Variants in XIRP2 observed in about 807,000 individuals in gnomAD.
XIRP2 encodes the protein xin actin binding repeat containing 2, also known as xin actin-binding repeat-containing protein 2.
A neutral mutation model predicts 277.0 loss-of-function variants in XIRP2; 236 were observed. The observed-to-expected ratio is 0.85, with a 90% CI of 0.77 to 0.95. XIRP2 has a LOEUF of 0.95. XIRP2 is among the 40% of genes least tolerant of loss of function. The pLI is 0.00. For synonymous variants in XIRP2, 1,490 were observed against 1,416.5 expected (o/e 1.05, Z -1.17); for missense variants, 4,640 against 4,157.5 (o/e 1.12, Z -3.19).
At chr2:167,033,868 A>G (rs1027427761) in intron 2 of XIRP2, among the ~76,000 whole-genome samples, 1 of 152,220 alleles carries the variant, frequency 6.6e-6, no homozygotes, top group African/African-American at 2.4e-5. Context: ...TCCTACAGGA[A>G]ATGCTAAAGG....
At chr2:166,903,297 G>T (rs985782338) in intron 1 of XIRP2, among the ~76,000 whole-genome samples, 168 bp from the exon 2 acceptor site, 1 of 152,012 alleles carries the variant, frequency 6.6e-6, no homozygotes, top group Non-Finnish European at 1.5e-5. Flanking sequence ...CTTACATAAC[G>T]TTGTGGGGTG....
chr2:167,115,161 A>G (rs1344158196), intron 2 of XIRP2, among the ~76,000 whole-genome samples: 2 of 152,214 alleles, frequency 1.3e-5, no homozygotes, highest in Non-Finnish European at 2.9e-5. Context: ...ATGGTATCTC[A>G]CTGTGGTTTT....
chr2:167,028,994 G>T (rs905664908), intron 2 of XIRP2, among the ~76,000 whole-genome samples: 2 of 151,622 alleles, frequency 1.3e-5, no homozygotes, highest in African/African-American at 4.8e-5. Flanking sequence ...TTAAAGATAG[G>T]CTCTTTGAAA....
intron 3 of XIRP2, among the ~76,000 whole-genome samples, chr2:167,185,021 A>T (rs887305816): frequency 3.3e-5 from 5 of 152,114 alleles, no homozygotes; most frequent in Admixed American, 2.6e-4. Context: ...TCTTGCTTTC[A>T]TAGTGGTTTC....
intron 2 of XIRP2, among the ~76,000 whole-genome samples, chr2:166,918,250 T>C: frequency 6.6e-6 from 1 of 152,132 alleles, no homozygotes; most frequent in Non-Finnish European, 1.5e-5. Context: ...GGATGAGCTT[T>C]GGTTTGCTGG....
intron 2 of XIRP2, among the ~76,000 whole-genome samples, chr2:166,983,065 C>A (rs1686915902): frequency 6.6e-6 from 1 of 152,096 alleles, no homozygotes; most frequent in Admixed American, 6.5e-5. Context: ...GCTATTGTTT[C>A]ATATTTGTAT....
At chr2:167,209,911 C>G (rs1015148737) in intron 3 of XIRP2, among the ~76,000 whole-genome samples, 3 of 151,980 alleles carry the variant, frequency 2.0e-5, no homozygotes, top group Admixed American at 6.6e-5. Flanking sequence ...GGGTTAGGTT[C>G]GATGATCTCT....
In XIRP2 at chr2:167,218,188, G is replaced by A. The variant is rs962052333; in HGVS notation, c.746G>A (p.Cys249Tyr). The A allele has an allele frequency of 1.2e-6, 2 of 1,600,524 alleles. No individual in the cohort carries two copies. Among genetic ancestry groups the A allele is most frequent in the African/African-American group, 1.3e-5 (1 of 74,348 alleles). The change falls in exon 5 of 11, where the codon TGC becomes TAC. Residue 249 changes from cysteine to tyrosine, a missense_variant. Cys to Tyr is a radical substitution (Grantham distance 194). Transcript: ENST00000409195. The part of the protein sequence containing the change: ...SANMMEESEM[C>Y]AVPGGLAKVK... ...TAGATGATGGAAGAATCAGAAATGT[G>A]CGCAGTGCCTGGTGGTTTGGCCAAG...
At chr2:167,226,061 C>T (rs946838332) in intron 5 of XIRP2, among the ~76,000 whole-genome samples, 2 of 152,270 alleles carry the variant, frequency 1.3e-5, no homozygotes, top group East Asian at 1.9e-4. Context: ...ATTAATGGGA[C>T]GTCTCAGTTC....
chr2:167,026,044 T>C (rs1688147072), intron 2 of XIRP2, among the ~76,000 whole-genome samples: 1 of 152,142 alleles, frequency 6.6e-6, no homozygotes, highest in Non-Finnish European at 1.5e-5. Context: ...TGTCTAATGT[T>C]GAGTGTGGGG....
At position 167,248,263 on chromosome 2, in the gene XIRP2, C is replaced by A; in HGVS notation, c.6871C>A (p.Pro2291Thr). 1 of 1,613,740 alleles carries A rather than the reference C, an allele frequency of 6.2e-7. No individual in the cohort carries two copies. Among genetic ancestry groups the A allele is most frequent in the Non-Finnish European group, 8.5e-7 (1 of 1,179,832 alleles). Residue 2291 changes from proline to threonine, a missense_variant, in exon 9 of 11, where the codon CCT (proline) becomes ACT (threonine). Transcript: ENST00000409195. ...AAAAGAAAGTGAGTGCCCCCTTCCA[C>A]CTCCATCTCCACCTCCTCCACCACC... Reference protein sequence around the residue: ...NVKESECPLPPPSPPPPPPSN... With the variant: ...NVKESECPLPTPSPPPPPPSN...
intron 3 of XIRP2, among the ~76,000 whole-genome samples, chr2:167,160,835 C>T (rs952045811): frequency 3.3e-5 from 5 of 152,248 alleles, no homozygotes; most frequent in Admixed American, 6.5e-5. Context: ...AGCATTAACT[C>T]GAAAGTCCAC....
chr2:167,087,620 C>A (rs1370064773), intron 2 of XIRP2, among the ~76,000 whole-genome samples: 1 of 152,226 alleles, frequency 6.6e-6, no homozygotes, highest in Non-Finnish European at 1.5e-5. Context: ...ACCCTCCGAG[C>A]CAGGTGCGGG....
chr2:167,031,029 T>C (rs1443378949), intron 2 of XIRP2, among the ~76,000 whole-genome samples: 1 of 151,906 alleles, frequency 6.6e-6, no homozygotes, highest in Non-Finnish European at 1.5e-5. Flanking sequence ...TTTTTTTTTT[T>C]TTCTTTCCAC....
At chr2:167,043,557 A>G (rs1295490015) in intron 2 of XIRP2, among the ~76,000 whole-genome samples, 3 of 152,082 alleles carry the variant, frequency 2.0e-5, no homozygotes, top group African/African-American at 7.2e-5. Context: ...ACAGACAATT[A>G]TGAACACTTC....
At chr2:167,254,981 G>A (rs1158725408) in intron 10 of XIRP2, among the ~76,000 whole-genome samples, 4 of 149,654 alleles carry the variant, frequency 2.7e-5, no homozygotes, top group South Asian at 2.1e-4. Flanking sequence ...TGACAATGTC[G>A]AACACCCTCA....
chr2:166,894,682 G>A (rs1684195887), intron 1 of XIRP2, among the ~76,000 whole-genome samples: 1 of 152,114 alleles, frequency 6.6e-6, no homozygotes, highest in African/African-American at 2.4e-5. Flanking sequence ...TTCTAATAAT[G>A]TTAATTGAGC....
chr2:167,219,107 A>C (rs773782636), intron 5 of XIRP2, among the ~76,000 whole-genome samples: 1 of 152,036 alleles, frequency 6.6e-6, no homozygotes, highest in African/African-American at 2.4e-5. Context: ...AAATGAAGCA[A>C]TTGCGTGCTA....
At chr2:166,994,558 C>G (rs1161867027) in intron 2 of XIRP2, among the ~76,000 whole-genome samples, 1 of 144,486 alleles carries the variant, frequency 6.9e-6, no homozygotes, top group Non-Finnish European at 1.5e-5. Flanking sequence ...TACTGCATTT[C>G]AATAGCACTT....
Sources: allele counts gnomAD v4.1 joint callset (sites outside exome capture counted in the v4.1 genomes callset), GRCh38; gene constraint gnomAD v4.1.1; transcripts MANE v1.5; gene names NCBI Gene and HGNC (gene_info 2026-07-23, HGNC 2026-07-21).